ADAM7: variants seen among roughly 807,000 people sequenced by gnomAD.
The protein encoded by ADAM7 is ADAM metallopeptidase domain 7.
ADAM7 carries 97 observed loss-of-function variants against 102.9 expected under a neutral mutation model. That is an observed-to-expected ratio of 0.94 (90% CI 0.80 to 1.12). ADAM7 has a LOEUF of 1.12. Among genes scored for constraint, ADAM7 ranks in the 50% most tolerant of loss-of-function variants. The probability of loss-of-function intolerance (pLI) is 0.00; values close to 1 mark genes in which losing one functional copy is unlikely to be tolerated. For missense variants in ADAM7, 991 were observed against 908.7 expected (o/e 1.09, Z -1.16); for synonymous variants, 334 against 304.4 (o/e 1.10, Z -1.01).
chr8:24,489,101 A>G, intron 11 of ADAM7, 58 bp from the exon 12 acceptor site: 1 of 1,451,122 alleles, frequency 6.9e-7, no homozygotes, highest in Non-Finnish European at 9.2e-7. Flanking sequence ...GCTCACAGCC[A>G]CTGTACCACT....
intron 9 of ADAM7, among the ~76,000 whole-genome samples, chr8:24,483,381 G>A (rs1820026330): frequency 6.6e-6 from 1 of 152,144 alleles, no homozygotes; most frequent in Non-Finnish European, 1.5e-5. Context: ...AGCCCTTAAA[G>A]CTACTGTATT....
At chr8:24,487,544 A>G (rs1166495804) in intron 11 of ADAM7, among the ~76,000 whole-genome samples, 1 of 151,788 alleles carries the variant, frequency 6.6e-6, no homozygotes, top group Non-Finnish European at 1.5e-5. Context: ...ACTTGGGAGG[A>G]GAATTGCTTG....
In ADAM7 at chr8:24,445,760, T is replaced by A. The variant is rs138956275; in HGVS notation, c.157-1426T>A. ...AGGCCCAAATCTTTGACTTACTAGG[T>A]TGAACATGATTTACTCCTTCCCACT... On this transcript the variant is annotated intron_variant, in intron 2 of 21. Coordinates refer to ENST00000175238, the MANE Select transcript of ADAM7 (RefSeq NM_003817.4). Among the ~76,000 whole-genome samples the A allele has an allele frequency of 4.8e-3, 735 of 152,328 alleles. 10 individuals carry two copies. Among genetic ancestry groups the A allele is most frequent in the Middle Eastern group, 0.041 (12 of 294 alleles).
In ADAM7 at chr8:24,482,195, A is replaced by G. The variant is rs760323611; in HGVS notation, c.759A>G (p.Thr253=). 20 of 1,606,394 alleles carry G rather than the reference A, an allele frequency of 1.2e-5. No individual in the cohort carries two copies. Among genetic ancestry groups the G allele is most frequent in the Non-Finnish European group, 1.7e-5 (20 of 1,177,536 alleles). Residue 253 remains threonine (T), a synonymous_variant, in exon 9 of 22, where the codon ACA becomes ACG. Transcript: ENST00000175238. ...HVTLVGIEIW[T]HEDKIELYSN... is the part of the protein sequence containing the mutation. ...CGTTGGTTGGCATTGAAATATGGAC[A>G]CATGAAGATAAAATAGAACTATATT...
chr8:24,485,552 G>A (rs917413653), intron 10 of ADAM7, among the ~76,000 whole-genome samples, 191 bp downstream of exon 10: 3 of 152,106 alleles, frequency 2.0e-5, no homozygotes, highest in African/African-American at 7.2e-5. Context: ...GATAAATATT[G>A]AAGGTAAACC....
intron 7 of ADAM7, among the ~76,000 whole-genome samples, chr8:24,471,640 C>A (rs1412770409): frequency 6.6e-6 from 1 of 152,070 alleles, no homozygotes; most frequent in Non-Finnish European, 1.5e-5. Flanking sequence ...TAGGTTATAA[C>A]ATTTAGGTTT....
intron 8 of ADAM7, among the ~76,000 whole-genome samples, chr8:24,477,426 A>G (rs1039011098): frequency 2.2e-4 from 34 of 152,136 alleles, no homozygotes; most frequent in Admixed American, 2.2e-3. Flanking sequence ...TAATTTATTT[A>G]TATCAGTATG....
chr8:24,492,101 G>T lies in ADAM7; in HGVS notation c.1552+3G>T, dbSNP rs1563392939. On this transcript the variant is annotated splice_donor_region_variant and intron_variant, in intron 14 of 21. Coordinates refer to ENST00000175238, the MANE Select transcript of ADAM7 (RefSeq NM_003817.4). ...GTGCTCTGAACTATTTGATGATGGTGAGAGATAATCACAGTGAAGTATTCA... is the reference window on the plus strand; with the variant it reads ...GTGCTCTGAACTATTTGATGATGGTTAGAGATAATCACAGTGAAGTATTCA... The T allele has an allele frequency of 6.2e-7, 1 of 1,610,440 alleles. No homozygotes were observed. The highest frequency in any genetic ancestry group is 1.7e-5 in the Admixed American group (1 of 59,568).
At chr8:24,503,462 G>A (rs539122098) in intron 20 of ADAM7, among the ~76,000 whole-genome samples, 1 of 152,176 alleles carries the variant, frequency 6.6e-6, no homozygotes, top group Non-Finnish European at 1.5e-5. Context: ...GTGGAAGACA[G>A]TGTGGCAATT....
At chr8:24,450,303 C>A (rs200338502) in intron 3 of ADAM7, among the ~76,000 whole-genome samples, 2 of 152,112 alleles carry the variant, frequency 1.3e-5, no homozygotes, top group African/African-American at 2.4e-5. Flanking sequence ...TCTTCCATTT[C>A]TTTGTATCCT....
At chr8:24,492,402 C>A in intron 14 of ADAM7, 93 bp from the exon 15 acceptor site, 1 of 933,494 alleles carries the variant, frequency 1.1e-6, no homozygotes, top group South Asian at 1.9e-5. Flanking sequence ...TGACATGATT[C>A]TGAAAGTTTA....
intron 8 of ADAM7, among the ~76,000 whole-genome samples, chr8:24,481,210 G>A (rs1819940725): frequency 6.6e-6 from 1 of 152,138 alleles, no homozygotes; most frequent in African/African-American, 2.4e-5. Context: ...TAATTCCCAT[G>A]ATTATGAAAT....
chr8:24,493,659 A>G (rs1028694169), intron 16 of ADAM7, among the ~76,000 whole-genome samples: 1 of 152,228 alleles, frequency 6.6e-6, no homozygotes, highest in South Asian at 2.1e-4. Flanking sequence ...ACATGATTAC[A>G]GTTCAAAAAA....
At chr8:24,505,177 C>A (rs535571182) in intron 20 of ADAM7, among the ~76,000 whole-genome samples, 2 of 152,174 alleles carry the variant, frequency 1.3e-5, no homozygotes, top group East Asian at 3.9e-4. Context: ...TTACATTTTC[C>A]TTAAATTAAT....
chr8:24,499,666 C>A (rs1318362552), intron 17 of ADAM7, among the ~76,000 whole-genome samples: 1 of 152,036 alleles, frequency 6.6e-6, no homozygotes, highest in Non-Finnish European at 1.5e-5. Context: ...TCAAGTTAAG[C>A]TTTTGAGAAA....
chr8:24,467,431 G>T (rs1286788732), intron 6 of ADAM7: 3 of 173,390 alleles, frequency 1.7e-5, no homozygotes, highest in Non-Finnish European at 3.6e-5. Context: ...TTGGTGGGAT[G>T]GTTGTATAAA....
intron 13 of ADAM7, among the ~76,000 whole-genome samples, chr8:24,491,432 C>T (rs1026726032): frequency 6.6e-6 from 1 of 152,150 alleles, no homozygotes; most frequent in Admixed American, 6.5e-5. Context: ...TATTGAATGG[C>T]TGAATGAGAG....
At chr8:24,457,846 ATGTGCATATGTGTGTGAG>A (rs1819093243) in intron 3 of ADAM7, among the ~76,000 whole-genome samples, 1 of 137,156 alleles carries the variant, frequency 7.3e-6, no homozygotes, top group Non-Finnish European at 1.5e-5. Flanking sequence ...AAATTTGTGT[ATGTGCATATGTGTGTGAG>A]TGTGTGTGTG....
At chr8:24,460,178 T>A (rs1444929063) in intron 3 of ADAM7, among the ~76,000 whole-genome samples, 2 of 152,174 alleles carry the variant, frequency 1.3e-5, no homozygotes, top group Non-Finnish European at 2.9e-5. Flanking sequence ...GTTTACTATA[T>A]AAATAAGATA....
Sources: gnomAD v4.1 joint callset for allele counts (sites outside exome capture counted in the v4.1 genomes callset) on GRCh38, gnomAD v4.1.1 for gene constraint, MANE v1.5 for transcripts, NCBI Gene and HGNC (gene_info 2026-07-23, HGNC 2026-07-21) for gene names.